TRIM34: variants seen among roughly 807,000 people sequenced by gnomAD.
TRIM34 encodes the protein tripartite motif containing 34.
Under a neutral mutation model 38.1 loss-of-function variants are expected in TRIM34, and 41 were observed. The observed-to-expected ratio is 1.08, with a 90% CI of 0.84 to 1.40. The LOEUF is 1.40. Among genes scored for constraint, TRIM34 ranks in the 40% most tolerant of loss-of-function variants. The probability of loss-of-function intolerance (pLI) is 0.00; values close to 1 mark genes in which losing one functional copy is unlikely to be tolerated. For missense variants in TRIM34, 556 were observed against 571.4 expected, an observed-to-expected ratio of 0.97 and a Z score of 0.27; for synonymous variants, 200 against 202.5, an observed-to-expected ratio of 0.99 and a Z score of 0.10.
chr11:5,632,542 A>C lies in TRIM34; in HGVS notation c.211A>C (p.Asn71His). ...ISYSFEHLQA[N>H]QHLANIVERL... ...TTACTCATTTGAACATCTACAGGCT[A>C]ATCAGCATCTGGCCAACATAGTGGA... The change falls in exon 2 of 8, where the codon AAT becomes CAT. Residue 71 changes from asparagine to histidine, a missense_variant. By Grantham distance (68) the Asn-to-His change is moderately conservative. Coordinates refer to ENST00000429814, the MANE Select transcript of TRIM34 (RefSeq NM_021616.6). The C allele has an allele frequency of 6.2e-7, 1 of 1,614,012 alleles. No individual in the cohort carries two copies. The highest frequency in any genetic ancestry group is 8.5e-7 in the Non-Finnish European group (1 of 1,180,006).
intron 4 of TRIM34, among the ~76,000 whole-genome samples, chr11:5,636,288 G>A (rs1307057884): frequency 6.6e-6 from 1 of 152,148 alleles, no homozygotes; most frequent in Non-Finnish European, 1.5e-5. Context: ...TTTTTTGTAT[G>A]ATTCCATTTA....
intron 3 of TRIM34, 101 bp from the exon 4 acceptor site, chr11:5,634,530 C>CATATATATATATATATATATATAT (rs112822638): frequency 2.5e-5 from 5 of 203,896 alleles, no homozygotes; most frequent in African/African-American, 1.4e-4. Flanking sequence ...CACACACACA[C>CATATATATATATATATATATATAT]ATATATATAT....
rs915551750 is a variant in TRIM34, at chr11:5,639,456, G to A, written c.751-1711G>A. Among the ~76,000 whole-genome samples the A allele has an allele frequency of 4.6e-5, 7 of 152,010 alleles. 1 individual carries two copies. The South Asian group carries it at 6.2e-4, about 14-fold the overall frequency. ...AGCACTTTGGGAGACCGAAGAGGGC[G>A]GATCATGAGGTCAGGAGATCAAGAC... is the stretch of plus-strand genomic sequence containing the variant. On this transcript the variant is annotated intron_variant, in intron 4 of 7. Transcript: ENST00000429814.
At position 5,642,833 on chromosome 11, in the gene TRIM34, G is replaced by A. The variant is rs759054182; in HGVS notation, c.891G>A (p.Arg297=). 1 of 1,613,926 alleles carries A rather than the reference G, an allele frequency of 6.2e-7. No homozygotes were observed. The highest frequency in any genetic ancestry group is 1.7e-5 in the Admixed American group (1 of 59,986). The change falls in exon 7 of 8, where the codon CGG becomes CGA. Residue 297 remains arginine, a synonymous_variant. Coordinates refer to ENST00000429814, the MANE Select transcript of TRIM34 (RefSeq NM_021616.6). ...TTATTTCAGAACTGACAGCTGTCCG[G>A]TGCTACTGGGGTAAGAAAAAGTTAG... ...LQMFRELTAV[R]CYWVDVTLNS...
intron 1 of TRIM34, among the ~76,000 whole-genome samples, chr11:5,629,777 G>A (rs1163329372): frequency 6.6e-6 from 1 of 152,100 alleles, no homozygotes. Flanking sequence ...GTGCGATCTC[G>A]GCTCACTGGA....
upstream of TRIM34, among the ~76,000 whole-genome samples, chr11:5,623,226 C>G (rs1849058418): frequency 6.6e-6 from 1 of 151,014 alleles, no homozygotes; most frequent in Admixed American, 6.6e-5. Context: ...TTTTTGGGTC[C>G]CGAGATTTTC....
At chr11:5,629,296 AGGT>A (rs1243962141) in intron 1 of TRIM34, among the ~76,000 whole-genome samples, 1 of 151,990 alleles carries the variant, frequency 6.6e-6, no homozygotes, top group African/African-American at 2.4e-5. Flanking sequence ...CAAAAACTAC[AGGT>A]CATTGAATTT....
chr11:5,634,703 G>C lies in TRIM34; in HGVS notation c.592G>C (p.Glu198Gln). 1 of 1,614,048 alleles carries C rather than the reference G, an allele frequency of 6.2e-7. No homozygotes were observed. The highest frequency in any genetic ancestry group is 8.5e-7 in the Non-Finnish European group (1 of 1,179,992). Residue 198 changes from glutamate (E) to glutamine (Q), a missense_variant, in exon 4 of 8, where the codon GAG (glutamate) becomes CAG (glutamine). Physicochemically the swap from Glu to Gln is conservative, Grantham distance 29 (BLOSUM62 2). Coordinates refer to ENST00000429814, the MANE Select transcript of TRIM34 (RefSeq NM_021616.6). ...GCTTAGAAGCATCCTAAATAATGAG[G>C]AGCAGAGAGAGCTGCAAAGATTGGA... Reference protein sequence around the residue: ...DQLRSILNNEEQRELQRLEEE... With the variant: ...DQLRSILNNEQQRELQRLEEE...
rs75158171 is a variant in TRIM34 at position 5,643,393 on chromosome 11, G to A, written c.1151G>A (p.Arg384His). 2.2e-5 allele frequency: 36 copies of A among 1,614,100 alleles called. No homozygotes were observed. The highest frequency in any genetic ancestry group is 5.5e-5 in the South Asian group (5 of 91,080). Residue 384 changes from arginine (R) to histidine (H), a missense_variant, in exon 8 of 8, where the codon CGT becomes CAT. Arg to His is a conservative substitution (Grantham distance 29, BLOSUM62 0). Coordinates refer to ENST00000429814, the MANE Select transcript of TRIM34 (RefSeq NM_021616.6). ...MKYVVRRCAN[R>H]QNLYTKYRPL... ...TATGTTGTTAGAAGATGTGCAAATC[G>A]TCAAAATCTTTACACCAAATACAGA... is the stretch of plus-strand genomic sequence containing the variant.
chr11:5,625,422 C>T (rs924395317), intron 1 of TRIM34, among the ~76,000 whole-genome samples: 1 of 152,268 alleles, frequency 6.6e-6, no homozygotes, highest in Non-Finnish European at 1.5e-5. Context: ...CAGAAGATCT[C>T]TTATTTTCCA....
Position 5,643,633 on chromosome 11 carries a change from T to G in TRIM34, c.1391T>G (p.Phe464Cys). The G allele has an allele frequency of 1.2e-6, 2 of 1,614,126 alleles. No individual in the cohort carries two copies. Among genetic ancestry groups the G allele is most frequent in the Non-Finnish European group, 1.7e-6 (2 of 1,179,990 alleles). Residue 464 changes from phenylalanine (F) to cysteine (C), a missense_variant, in exon 8 of 8, where the codon TTT becomes TGT. Phe to Cys is a radical substitution (Grantham distance 205). Coordinates refer to ENST00000429814, the MANE Select transcript of TRIM34 (RefSeq NM_021616.6). ...ATTTACAAGTTCTCTAAATGTTGCT[T>G]TTCTCAGCCTGTTTATCCATATTTC... The part of the protein sequence containing the change: ...SLIYKFSKCC[F>C]SQPVYPYFNP...
chr11:5,633,662 A>C, intron 2 of TRIM34, 142 bp from the exon 3 acceptor site: 1 of 729,754 alleles, frequency 1.4e-6, no homozygotes, highest in South Asian at 2.1e-5. Context: ...AATTTTCCCC[A>C]TGTCATAGAT....
chr11:5,642,417 G>A lies in TRIM34; in HGVS notation c.785G>A (p.Trp262Ter). ...MSGIMKWSEI[W>*]RLKKPKMVSK... ...TTTTTCATCCCTAGGAGTGAGATCT[G>A]GAGGCTGAAAAAGCCAAAAATGGTT... The change falls in exon 6 of 8, where the codon TGG becomes TAG. Residue 262 changes from tryptophan (W) to a stop codon, truncating the protein, a stop_gained. Transcript: ENST00000429814. LOFTEE classifies it high-confidence loss of function. 1 of 1,613,026 alleles carries A rather than the reference G, an allele frequency of 6.2e-7. No homozygotes were observed. Among genetic ancestry groups the A allele is most frequent in the Non-Finnish European group, 8.5e-7 (1 of 1,179,956 alleles).
At chr11:5,640,224 TCAC>T (rs1849947528) in intron 4 of TRIM34, among the ~76,000 whole-genome samples, 1 of 152,238 alleles carries the variant, frequency 6.6e-6, no homozygotes, top group Non-Finnish European at 1.5e-5. Context: ...ATTCAGTTTT[TCAC>T]CACAAAGTAT....
chr11:5,637,837 CATAG>C (rs1849812308), intron 4 of TRIM34, among the ~76,000 whole-genome samples: 1 of 152,174 alleles, frequency 6.6e-6, no homozygotes, highest in Non-Finnish European at 1.5e-5. Context: ...TAAGTGGAAT[CATAG>C]AATATTTGTC....
chr11:5,623,489 TCCTGAGTA>T (rs1849070205), upstream of TRIM34, among the ~76,000 whole-genome samples: 4 of 151,422 alleles, frequency 2.6e-5, no homozygotes, highest in Middle Eastern at 0.01. Context: ...TGCCTCAGCC[TCCTGAGTA>T]GCTGGGATTA....
Position 5,634,714 on chromosome 11 carries a change from G to C in TRIM34, c.603G>C (p.Glu201Asp). 6.2e-7 allele frequency: 1 copy of C among 1,614,078 alleles called. No homozygotes were observed. Among genetic ancestry groups the C allele is most frequent in the Middle Eastern group, 1.6e-4 (1 of 6,062 alleles). ...TCCTAAATAATGAGGAGCAGAGAGA[G>C]CTGCAAAGATTGGAAGAAGAAGAAA... ...RSILNNEEQR[E>D]LQRLEEEEKK... The change falls in exon 4 of 8, where the codon GAG (glutamate) becomes GAC (aspartate). Residue 201 changes from glutamate to aspartate, a missense_variant. Transcript: ENST00000429814.
At chr11:5,631,012 T>G (rs1564883834) in intron 1 of TRIM34, among the ~76,000 whole-genome samples, 1 of 152,202 alleles carries the variant, frequency 6.6e-6, no homozygotes. Context: ...CTAAATGTGG[T>G]CTCCCTTTAT....
chr11:5,641,156 T>C lies in TRIM34; in HGVS notation c.751-11T>C, dbSNP rs1019705728. On this transcript the variant is annotated splice_polypyrimidine_tract_variant and intron_variant, in intron 4 of 7. Transcript: ENST00000429814. ...ATACACTTTGACTCATGTTTTCTCT[T>C]TTCTTTCTAGGACATGAGTGGAATC... 3.7e-6 allele frequency: 6 copies of C among 1,613,488 alleles called. No homozygotes were observed. In the African/African-American group the frequency reaches 5.3e-5, roughly 14 times the overall value.
Sources: allele counts gnomAD v4.1 joint callset (sites outside exome capture counted in the v4.1 genomes callset), GRCh38; gene constraint gnomAD v4.1.1; transcripts MANE v1.5; gene names NCBI Gene and HGNC (gene_info 2026-07-23, HGNC 2026-07-21).